The following ACVR1 variants were observed in gnomAD, a reference collection of about 807,000 sequenced individuals.
ACVR1 encodes activin receptor type-1.
A neutral mutation model predicts 57.1 loss-of-function variants in ACVR1; 38 were observed. That is an observed-to-expected ratio of 0.67 (90% CI 0.51 to 0.87). The LOEUF (loss-of-function observed/expected upper bound fraction) is 0.87, where lower values mean the gene tolerates loss of function less well. ACVR1 is among the 40% of genes least tolerant of loss of function. The pLI is 0.00. For synonymous variants in ACVR1, 212 were observed against 228.1 expected (o/e 0.93, Z 0.63); for missense variants, 463 against 638.2 (o/e 0.73, Z 2.96).
At position 157,738,500 on chromosome 2, in the gene ACVR1, C is replaced by T. The variant is rs778291319; in HGVS notation, c.1335G>A (p.Arg445=). The change falls in exon 10 of 11, where the codon AGG becomes AGA. Residue 445 remains arginine, a synonymous_variant. Coordinates refer to ENST00000434821, the MANE Select transcript of ACVR1 (RefSeq NM_001111067.4). ...TTTGTTGATCCACACAGACTACCTT[C>T]CTCATATCTTCAAAACTTGGGTCAT... The part of the protein sequence containing the change: ...VPNDPSFEDM[R]KVVCVDQQRP... The T allele has an allele frequency of 6.2e-7, 1 of 1,614,154 alleles. No individual in the cohort carries two copies. The highest frequency in any genetic ancestry group is 2.2e-5 in the East Asian group (1 of 44,870).
intron 1 of ACVR1, among the ~76,000 whole-genome samples, chr2:157,865,823 G>A (rs868013668): frequency 8.4e-6 from 1 of 118,878 alleles, no homozygotes; most frequent in African/African-American, 3.9e-5. Context: ...AAAGAAAAAA[G>A]ATAGATAGAT....
At chr2:157,766,485 T>A (rs1685864858) in intron 7 of ACVR1, among the ~76,000 whole-genome samples, 1 of 152,228 alleles carries the variant, frequency 6.6e-6, no homozygotes, top group Non-Finnish European at 1.5e-5. Flanking sequence ...ATCTTTGTGC[T>A]CACCCATAAT....
chr2:157,828,884 A>G (rs373720956), intron 1 of ACVR1, among the ~76,000 whole-genome samples: 1 of 152,160 alleles, frequency 6.6e-6, no homozygotes, highest in Admixed American at 6.5e-5. Context: ...TTTGTGCCTC[A>G]GCCTCCTGAG....
chr2:157,842,076 G>T (rs946069568), intron 1 of ACVR1, among the ~76,000 whole-genome samples: 1 of 151,510 alleles, frequency 6.6e-6, no homozygotes, highest in Non-Finnish European at 1.5e-5. Flanking sequence ...CTGAACTCAG[G>T]GATCACTCTG....
chr2:157,804,285 A>G (rs1687438773), intron 2 of ACVR1, among the ~76,000 whole-genome samples: 1 of 152,176 alleles, frequency 6.6e-6, no homozygotes, highest in South Asian at 2.1e-4. Context: ...CAAAAATGAC[A>G]CTGTTCTACA....
chr2:157,783,516 T>A (rs1431091973), intron 3 of ACVR1, among the ~76,000 whole-genome samples: 1 of 152,226 alleles, frequency 6.6e-6, no homozygotes, highest in Non-Finnish European at 1.5e-5. Context: ...TCTCCTTAAA[T>A]TCTTTATATA....
intron 7 of ACVR1, among the ~76,000 whole-genome samples, chr2:157,768,448 C>T (rs1457029429): frequency 6.6e-6 from 1 of 152,142 alleles, no homozygotes; most frequent in Non-Finnish European, 1.5e-5. Flanking sequence ...GTAGCCTCTA[C>T]TGATTTCCTC....
chr2:157,798,115 A>G (rs950859850), intron 3 of ACVR1, among the ~76,000 whole-genome samples: 5 of 152,146 alleles, frequency 3.3e-5, no homozygotes, highest in African/African-American at 1.2e-4. Flanking sequence ...CCGTTGCACT[A>G]CAAGTATCAA....
intron 3 of ACVR1, among the ~76,000 whole-genome samples, chr2:157,781,864 C>T (rs182288168): frequency 3.3e-5 from 5 of 152,292 alleles, no homozygotes; most frequent in African/African-American, 1.2e-4. Context: ...GTCCTAGAGG[C>T]CACTGATTAG....
At chr2:157,744,582 G>A (rs890462365) in intron 9 of ACVR1, among the ~76,000 whole-genome samples, 1 of 152,186 alleles carries the variant, frequency 6.6e-6, no homozygotes, top group African/African-American at 2.4e-5. Flanking sequence ...TGTAAATGAT[G>A]GCACAAAGTA....
At chr2:157,835,032 C>T (rs1688730176) in intron 1 of ACVR1, among the ~76,000 whole-genome samples, 1 of 152,286 alleles carries the variant, frequency 6.6e-6, no homozygotes, top group South Asian at 2.1e-4. Context: ...TCTTTATAAG[C>T]TACACAGCCT....
intron 9 of ACVR1, among the ~76,000 whole-genome samples, chr2:157,754,194 T>A (rs1685328023): frequency 1.3e-5 from 2 of 151,936 alleles, no homozygotes; most frequent in African/African-American, 4.8e-5. Flanking sequence ...AGGCCACACC[T>A]CAAGGAACTA....
At chr2:157,784,114 C>G (rs990862597) in intron 3 of ACVR1, among the ~76,000 whole-genome samples, 3 of 152,094 alleles carry the variant, frequency 2.0e-5, no homozygotes, top group Non-Finnish European at 4.4e-5. Context: ...TCCAAATGTC[C>G]ATGACTCACT....
At chr2:157,783,396 A>G (rs945474991) in intron 3 of ACVR1, among the ~76,000 whole-genome samples, 9 of 152,220 alleles carry the variant, frequency 5.9e-5, no homozygotes, top group Admixed American at 5.2e-4. Context: ...TCAAGTAAAT[A>G]TCACCTTCAG....
intron 8 of ACVR1, among the ~76,000 whole-genome samples, chr2:157,763,405 A>AT (rs754044523): frequency 5.9e-5 from 9 of 152,190 alleles, no homozygotes; most frequent in Non-Finnish European, 1.3e-4. Flanking sequence ...TCATTATAAC[A>AT]TTTGAATTTT....
chr2:157,793,666 C>G (rs1218504582), intron 3 of ACVR1, among the ~76,000 whole-genome samples: 4 of 152,090 alleles, frequency 2.6e-5, no homozygotes, highest in Non-Finnish European at 5.9e-5. Flanking sequence ...ACAAGAGATA[C>G]AAATGTAATA....
chr2:157,846,764 G>T (rs903399325), intron 1 of ACVR1, among the ~76,000 whole-genome samples: 1 of 152,042 alleles, frequency 6.6e-6, no homozygotes, highest in African/African-American at 2.4e-5. Flanking sequence ...CTTTAGATTT[G>T]TACACTTCAC....
Position 157,774,170 on chromosome 2 carries a change from C to T in ACVR1, c.561G>A (p.Ser187=), listed in dbSNP as rs377367232. The T allele has an allele frequency of 6.0e-5, 97 of 1,613,964 alleles. No individual in the cohort carries two copies. The highest frequency in any genetic ancestry group is 7.5e-5 in the Non-Finnish European group (88 of 1,179,886). Residue 187 remains serine, a synonymous_variant, in exon 6 of 11, where the codon TCG becomes TCA. Transcript: ENST00000434821. ...GACCAGAGCCACTTCCTGATGTACA[C>T]GAATGATCCAATAAATCCTGTGGTT... ...DSTLADLLDH[S]CTSGSGSGLP...
At position 157,865,544 on chromosome 2, in the gene ACVR1, C is replaced by T. The variant is rs150816018; in HGVS notation, c.-183+10252G>A. Among the ~76,000 whole-genome samples, 947 of 152,232 alleles carry T rather than the reference C, an allele frequency of 6.2e-3. 15 individuals carry two copies. Among genetic ancestry groups the T allele is most frequent in the African/African-American group, 0.021 (877 of 41,544 alleles). On this transcript the variant is annotated intron_variant, in intron 1 of 10. Transcript: ENST00000434821. ...CGGTGGTTCACGCCTGTAATCCCAG[C>T]ACTTTGGGAGGCCGAGGCGGGCAGA...
Sources: gnomAD v4.1 joint callset for allele counts (sites outside exome capture counted in the v4.1 genomes callset) on GRCh38, gnomAD v4.1.1 for gene constraint, MANE v1.5 for transcripts, NCBI Gene and HGNC (gene_info 2026-07-23, HGNC 2026-07-21) for gene names.